NTNG1: variants seen among roughly 807,000 people sequenced by gnomAD.
NTNG1 encodes the protein netrin G1.
NTNG1 carries 16 observed loss-of-function variants against 54.0 expected under a neutral mutation model. The observed-to-expected ratio is 0.30, with a 90% CI of 0.20 to 0.45. The LOEUF (loss-of-function observed/expected upper bound fraction) is 0.45. Ranked by LOEUF, NTNG1 falls within the 20% of genes least tolerant of loss-of-function variation. The pLI, the probability that NTNG1 is intolerant of heterozygous loss-of-function variation, is 1.00. For synonymous variants in NTNG1, 255 were observed against 263.1 expected (o/e 0.97, Z 0.30); for missense variants, 530 against 678.7 (o/e 0.78, Z 2.43).
In NTNG1 at chr1:107,430,714, A is replaced by C. The variant is rs776064353; in HGVS notation, c.1088-36A>C. 1.9e-6 allele frequency: 3 copies of C among 1,608,678 alleles called. No homozygotes were observed. In the East Asian group the frequency reaches 6.7e-5, roughly 36 times the overall value. Reference sequence around the variant, plus strand: ...TAGTATGCTATTACTCTGCTACTGTATACACTCTGTATACATTTCTGTTCT... The same window carrying C: ...TAGTATGCTATTACTCTGCTACTGTCTACACTCTGTATACATTTCTGTTCT... On this transcript the variant is annotated intron_variant, in intron 5 of 7. Coordinates refer to ENST00000370068, the MANE Select transcript of NTNG1 (RefSeq NM_001113226.3).
intron 7 of NTNG1, among the ~76,000 whole-genome samples, chr1:107,455,108 G>A: frequency 6.6e-6 from 1 of 151,474 alleles, no homozygotes. Flanking sequence ...TTGTCGCCCA[G>A]GCTGGAGTGC....
At chr1:107,391,945 C>G (rs886733625) in intron 3 of NTNG1, among the ~76,000 whole-genome samples, 3 of 152,102 alleles carry the variant, frequency 2.0e-5, no homozygotes, top group Non-Finnish European at 4.4e-5. Context: ...GAGAGACTGA[C>G]TAATGCCAGA....
chr1:107,184,104 A>G (rs930990423), intron 2 of NTNG1, among the ~76,000 whole-genome samples: 3 of 152,062 alleles, frequency 2.0e-5, no homozygotes, highest in Non-Finnish European at 4.4e-5. Context: ...CCTTCCCCCA[A>G]CATTCCCAAA....
chr1:107,446,425 G>A (rs1313628337), intron 7 of NTNG1, among the ~76,000 whole-genome samples: 1 of 152,064 alleles, frequency 6.6e-6, no homozygotes, highest in Non-Finnish European at 1.5e-5. Context: ...GTATTCTGCA[G>A]GAACAACCCG....
chr1:107,170,665 A>G (rs1656152226), intron 2 of NTNG1, among the ~76,000 whole-genome samples: 1 of 152,092 alleles, frequency 6.6e-6, no homozygotes, highest in Admixed American at 6.6e-5. Context: ...TGGTATTTAT[A>G]TGTTTTGTTT....
In NTNG1 at chr1:107,482,003, G is replaced by A. The variant is rs1390966790; in HGVS notation, c.*1163G>A. On this transcript the variant is annotated 3_prime_UTR_variant, in exon 8 of 8. Transcript: ENST00000370068. ...AGATGGATTGATGTTCACTAGCTTGGACAACTTCTGCAAAATATGAGACTA... is the reference window on the plus strand; with the variant it reads ...AGATGGATTGATGTTCACTAGCTTGAACAACTTCTGCAAAATATGAGACTA... The A allele has an allele frequency of 7.3e-6, 1 of 137,052 alleles. No individual in the cohort carries two copies. Among genetic ancestry groups the A allele is most frequent in the Non-Finnish European group, 1.5e-5 (1 of 65,870 alleles). The allele number at this position is 137,052 out of a possible 1,614,324, so 8.5% of individuals were successfully genotyped here. A position where few individuals can be genotyped will look rare whatever the true frequency, so the allele number is the denominator to read the frequency against.
chr1:107,160,376 C>T (rs1655318569), intron 2 of NTNG1, among the ~76,000 whole-genome samples: 1 of 152,098 alleles, frequency 6.6e-6, no homozygotes, highest in African/African-American at 2.4e-5. Context: ...GCAAATCCAA[C>T]CACTTTTTAC....
At position 107,261,657 on chromosome 1, in the gene NTNG1, C is replaced by T. The variant is rs1489890342; in HGVS notation, c.247-62625C>T. Among the ~76,000 whole-genome samples the T allele has an allele frequency of 2.0e-5, 3 of 152,130 alleles. No homozygotes were observed. In the East Asian group the frequency reaches 5.8e-4, roughly 29 times the overall value. On this transcript the variant is annotated intron_variant, in intron 2 of 7. Transcript: ENST00000370068. ...AGGAGATCGAGACCATCCTGGCTAA[C>T]ACAGTGAAACCCCGTCTCTACTAAA...
intron 2 of NTNG1, among the ~76,000 whole-genome samples, chr1:107,275,901 C>T (rs1664443721): frequency 6.6e-6 from 1 of 152,176 alleles, no homozygotes; most frequent in Non-Finnish European, 1.5e-5. Context: ...TTCATCATTC[C>T]ACCCAAAACC....
chr1:107,227,317 C>A (rs1660752702), intron 2 of NTNG1, among the ~76,000 whole-genome samples: 1 of 152,072 alleles, frequency 6.6e-6, no homozygotes, highest in African/African-American at 2.4e-5. Context: ...GGATACAGTG[C>A]AGAGATTTTT....
chr1:107,347,750 G>A (rs1669339432), intron 3 of NTNG1, among the ~76,000 whole-genome samples: 1 of 152,144 alleles, frequency 6.6e-6, no homozygotes. Flanking sequence ...GAGGCCTCAG[G>A]ACACTTACAA....
chr1:107,407,467 A>G (rs1311983203), intron 4 of NTNG1, among the ~76,000 whole-genome samples: 1 of 151,942 alleles, frequency 6.6e-6, no homozygotes, highest in Non-Finnish European at 1.5e-5. Context: ...CTAGAATGAA[A>G]CAAAATGGTT....
intron 3 of NTNG1, among the ~76,000 whole-genome samples, chr1:107,346,048 G>T (rs1434705949): frequency 1.3e-5 from 2 of 152,150 alleles, no homozygotes; most frequent in Admixed American, 6.6e-5. Context: ...TTTGAGTTGG[G>T]GTCTGGTGTC....
In NTNG1 at chr1:107,148,668, G is replaced by A. The variant is rs61731858; in HGVS notation, c.75G>A (p.Leu25=). ...CCTCAGTGATGCAGCCCTACCCTTT[G>A]GTTTGGGGACATTATGATTTGTGTA... ...TVSSVMQPYP[L]VWGHYDLCKT... is the part of the protein sequence containing the mutation. Residue 25 remains leucine (L), a synonymous_variant, in exon 2 of 8, where the codon TTG becomes TTA. Coordinates refer to ENST00000370068, the MANE Select transcript of NTNG1 (RefSeq NM_001113226.3). The A allele has an allele frequency of 1.6e-3, 2,605 of 1,613,472 alleles. 32 individuals carry two copies. In the African/African-American group the frequency reaches 0.03, roughly 19 times the overall value.
intron 2 of NTNG1, among the ~76,000 whole-genome samples, chr1:107,170,313 ATTTCTTTT>A (rs1175539338): frequency 6.6e-6 from 1 of 152,166 alleles, no homozygotes; most frequent in African/African-American, 2.4e-5. Context: ...TAAATAAGTT[ATTTCTTTT>A]TTTCTTGGGC....
Position 107,239,058 on chromosome 1 carries a change from A to G in NTNG1, c.247-85224A>G, listed in dbSNP as rs181344818. On this transcript the variant is annotated intron_variant, in intron 2 of 7. Transcript: ENST00000370068. ...ACCAAACAAGGTAGTAACTGCCAAA[A>G]TGAAGAAGTCTAGAAAGTGCTATGA... 3.9e-4 allele frequency among the ~76,000 whole-genome samples: 59 copies of G among 152,306 alleles called. No homozygotes were observed. In the East Asian group the frequency reaches 0.011, roughly 28 times the overall value.
In NTNG1 at chr1:107,484,552, A is replaced by G. The variant is rs1182696216; in HGVS notation, c.*3712A>G. On this transcript the variant is annotated 3_prime_UTR_variant, in exon 8 of 8. Transcript: ENST00000370068. Reference sequence around the variant, plus strand: ...TGAGGTGCCCTTGAGTCAGATCCCTAAGTTGGCACAAACTGCTAACCACAT... The same window carrying G: ...TGAGGTGCCCTTGAGTCAGATCCCTGAGTTGGCACAAACTGCTAACCACAT... Among the ~76,000 whole-genome samples the G allele has an allele frequency of 6.6e-6, 1 of 152,204 alleles. No homozygotes were observed. The highest frequency in any genetic ancestry group is 1.5e-5 in the Non-Finnish European group (1 of 68,032).
At position 107,148,680 on chromosome 1, in the gene NTNG1, T is replaced by C; in HGVS notation, c.87T>C (p.His29=). The C allele has an allele frequency of 1.2e-6, 2 of 1,613,610 alleles. No homozygotes were observed. Among genetic ancestry groups the C allele is most frequent in the Non-Finnish European group, 1.7e-6 (2 of 1,179,660 alleles). Residue 29 remains histidine (H), a synonymous_variant, in exon 2 of 8, where the codon CAT becomes CAC. Transcript: ENST00000370068. ...AGCCCTACCCTTTGGTTTGGGGACATTATGATTTGTGTAAGACTCAGATTT... is the reference window on the plus strand; with the variant it reads ...AGCCCTACCCTTTGGTTTGGGGACACTATGATTTGTGTAAGACTCAGATTT... ...VMQPYPLVWG[H]YDLCKTQIYT...
chr1:107,214,558 T>A (rs1002792379), intron 2 of NTNG1, among the ~76,000 whole-genome samples: 2 of 152,238 alleles, frequency 1.3e-5, no homozygotes, highest in Admixed American at 1.3e-4. Context: ...TTTTTGCAGA[T>A]GCAAATTATG....
Sources: allele counts gnomAD v4.1 joint callset (sites outside exome capture counted in the v4.1 genomes callset), GRCh38; gene constraint gnomAD v4.1.1; transcripts MANE v1.5; gene names NCBI Gene and HGNC (gene_info 2026-07-23, HGNC 2026-07-21).